The following SRGAP1 variants were observed in gnomAD, a reference collection of about 807,000 sequenced individuals.
SRGAP1 encodes SLIT-ROBO Rho GTPase-activating protein 1.
In SRGAP1, 43 loss-of-function variants were observed where a neutral mutation model predicts 121.9. The observed-to-expected ratio is 0.35, with a 90% CI of 0.28 to 0.46. SRGAP1 has a LOEUF of 0.46. SRGAP1 is among the 20% of genes least tolerant of loss of function. The pLI is 1.00. For synonymous variants in SRGAP1, 447 were observed against 485.4 expected, an observed-to-expected ratio of 0.92 and a Z score of 1.04; for missense variants, 1,102 against 1,350.9, an observed-to-expected ratio of 0.82 and a Z score of 2.89.
intron 1 of SRGAP1, among the ~76,000 whole-genome samples, chr12:63,962,854 T>C (rs1288517078): frequency 6.6e-6 from 1 of 152,194 alleles, no homozygotes. Context: ...CGGGGTAAAA[T>C]GCACAGCAGA....
intron 3 of SRGAP1, among the ~76,000 whole-genome samples, chr12:64,000,659 G>A (rs545842241): frequency 2.6e-5 from 4 of 152,266 alleles, no homozygotes; most frequent in African/African-American, 9.6e-5. Context: ...CACAAAAAGG[G>A]AAGCTTGACA....
intron 15 of SRGAP1, among the ~76,000 whole-genome samples, chr12:64,107,636 G>A (rs779127414): frequency 6.6e-6 from 1 of 152,138 alleles, no homozygotes; most frequent in East Asian, 1.9e-4. Flanking sequence ...CACATTTATA[G>A]GTGGAAGAAG....
chr12:64,091,179 C>A, intron 11 of SRGAP1, 97 bp from the exon 12 acceptor site: 1 of 768,648 alleles, frequency 1.3e-6, no homozygotes, highest in Non-Finnish European at 1.9e-6. Flanking sequence ...GGAAGGAACC[C>A]AAGATTCCCG....
chr12:63,896,904 G>A (rs974897163), intron 1 of SRGAP1, among the ~76,000 whole-genome samples: 25 of 152,310 alleles, frequency 1.6e-4, no homozygotes, highest in African/African-American at 5.5e-4. Flanking sequence ...GTTCTGTGAC[G>A]AAATTACATT....
intron 3 of SRGAP1, among the ~76,000 whole-genome samples, chr12:64,001,749 G>A (rs1250215515): frequency 2.6e-5 from 4 of 152,166 alleles, no homozygotes; most frequent in African/African-American, 4.8e-5. Context: ...ACAGAAAACT[G>A]AGCTAAGTAA....
intron 1 of SRGAP1, among the ~76,000 whole-genome samples, chr12:63,946,802 C>G (rs149080059): frequency 3.9e-4 from 60 of 152,230 alleles, no homozygotes; most frequent in Middle Eastern, 3.4e-3. Flanking sequence ...CTTGGCCTCC[C>G]AAAGTTCTGG....
intron 21 of SRGAP1, among the ~76,000 whole-genome samples, chr12:64,128,488 T>A (rs888216706): frequency 1.3e-5 from 2 of 152,012 alleles, no homozygotes; most frequent in African/African-American, 4.8e-5. Context: ...CCAGAAAAAC[T>A]TTGAAAAAGA....
intron 1 of SRGAP1, among the ~76,000 whole-genome samples, chr12:63,922,687 C>A (rs2031106588): frequency 6.6e-6 from 1 of 152,246 alleles, no homozygotes; most frequent in Admixed American, 6.5e-5. Flanking sequence ...GTCTGTGTTC[C>A]TGCAATACCC....
chr12:64,008,076 G>T (rs1309884406), intron 3 of SRGAP1, among the ~76,000 whole-genome samples: 3 of 152,190 alleles, frequency 2.0e-5, no homozygotes, highest in Non-Finnish European at 2.9e-5. Flanking sequence ...CAGACACTCT[G>T]TTAAGCACAT....
chr12:64,114,234 T>G (rs1055233045), intron 17 of SRGAP1, among the ~76,000 whole-genome samples: 10 of 151,958 alleles, frequency 6.6e-5, no homozygotes, highest in Admixed American at 2.0e-4. Flanking sequence ...AGCTTGGCTC[T>G]GGGAAAGTAA....
intron 1 of SRGAP1, among the ~76,000 whole-genome samples, chr12:63,912,180 C>G (rs954448115): frequency 3.3e-5 from 5 of 152,162 alleles, no homozygotes; most frequent in African/African-American, 1.2e-4. Flanking sequence ...AGGCACTGTT[C>G]TGAGTGTTTT....
intron 6 of SRGAP1, among the ~76,000 whole-genome samples, chr12:64,046,399 G>A (rs894286466): frequency 2.0e-5 from 3 of 152,176 alleles, no homozygotes; most frequent in Non-Finnish European, 4.4e-5. Flanking sequence ...AAAGGAGGCA[G>A]GAGGACACGA....
chr12:63,883,597 C>A (rs1006514953), intron 1 of SRGAP1, among the ~76,000 whole-genome samples: 10 of 152,066 alleles, frequency 6.6e-5, no homozygotes, highest in Admixed American at 5.9e-4. Flanking sequence ...AAGACTTGTT[C>A]ATCAATCCAG....
chr12:63,918,972 AC>A (rs1244740893), intron 1 of SRGAP1, among the ~76,000 whole-genome samples: 2 of 151,310 alleles, frequency 1.3e-5, no homozygotes, highest in Non-Finnish European at 2.9e-5. Context: ...TGCTATAAAG[AC>A]AAATGAAGTT....
At chr12:63,920,723 G>C (rs2031006954) in intron 1 of SRGAP1, among the ~76,000 whole-genome samples, 1 of 152,178 alleles carries the variant, frequency 6.6e-6, no homozygotes, top group African/African-American at 2.4e-5. Context: ...TCAGGACATA[G>C]TTTGAAGGTA....
In SRGAP1 at chr12:64,105,680, A is replaced by C. The variant is rs146253194; in HGVS notation, c.1814-3252A>C. 3.2e-3 allele frequency among the ~76,000 whole-genome samples: 487 copies of C among 152,236 alleles called. 4 individuals are homozygous for C. The highest frequency in any genetic ancestry group is 0.011 in the Admixed American group (162 of 15,290). On this transcript the variant is annotated intron_variant, in intron 15 of 21. Transcript: ENST00000355086. ...GTGCTCCTAATCCCAGCTACCTGGG[A>C]GCCTGAGGTATCAGAATCACTTGAA...
intron 8 of SRGAP1, 79 bp from the exon 9 acceptor site, chr12:64,078,840 A>C (rs576702764): frequency 2.1e-6 from 3 of 1,462,956 alleles, no homozygotes; most frequent in Non-Finnish European, 2.8e-6. Flanking sequence ...CCTCATCTCT[A>C]CCTGACAGAG....
At chr12:63,871,989 G>A in intron 1 of SRGAP1, 1 of 938,150 alleles carries the variant, frequency 1.1e-6, no homozygotes, top group South Asian at 1.3e-5. Context: ...CTTATACTGT[G>A]TCACTTCGTC....
chr12:63,876,849 T>C (rs1169795280), intron 1 of SRGAP1, among the ~76,000 whole-genome samples: 1 of 152,238 alleles, frequency 6.6e-6, no homozygotes, highest in Non-Finnish European at 1.5e-5. Flanking sequence ...TCTTGGAAAT[T>C]ATTAATGAAC....
Sources: gnomAD v4.1 joint callset for allele counts (sites outside exome capture counted in the v4.1 genomes callset) on GRCh38, gnomAD v4.1.1 for gene constraint, MANE v1.5 for transcripts, NCBI Gene and HGNC (gene_info 2026-07-23, HGNC 2026-07-21) for gene names.